PRPF38B: variants seen among roughly 807,000 people sequenced by gnomAD.
PRPF38B encodes the protein pre-mRNA-splicing factor 38B.
In PRPF38B, 18 loss-of-function variants were observed where a neutral mutation model predicts 67.2. The ratio of observed to expected loss-of-function variants is 0.27; its 90% CI spans 0.19 to 0.40. PRPF38B has a LOEUF of 0.40. PRPF38B is among the 10% of genes least tolerant of loss of function. The pLI, the probability that PRPF38B is intolerant of heterozygous loss-of-function variation, is 1.00. For missense variants in PRPF38B, 544 were observed against 684.9 expected, an observed-to-expected ratio of 0.79 and a Z score of 2.30; for synonymous variants, 246 against 234.2, an observed-to-expected ratio of 1.05 and a Z score of -0.46.
chr1:108,692,992 T>C (rs1449709527), intron 1 of PRPF38B, 125 bp downstream of exon 1: 1 of 1,245,902 alleles, frequency 8.0e-7, no homozygotes, highest in African/African-American at 1.5e-5. Context: ...GGCGGAGGGG[T>C]GGCTGCGGCC....
At chr1:108,695,996 G>C (rs1479096360) in intron 2 of PRPF38B, 47 bp from the exon 3 acceptor site, 2 of 1,576,640 alleles carry the variant, frequency 1.3e-6, no homozygotes, top group Non-Finnish European at 1.7e-6. Context: ...GGTGTTAAGA[G>C]TCCGTTAATT....
In PRPF38B at chr1:108,700,149, C is replaced by CT; in HGVS notation, c.*132dup. The CT allele has an allele frequency of 7.2e-7, 1 of 1,397,320 alleles. No homozygotes were observed. The highest frequency in any genetic ancestry group is 9.4e-7 in the Non-Finnish European group (1 of 1,064,976). The allele number at this position is 1,397,320 out of a possible 1,614,324, so 86.6% of individuals were successfully genotyped here. A position where few individuals can be genotyped will look rare whatever the true frequency, so the allele number is the denominator to read the frequency against. On this transcript the variant is annotated 3_prime_UTR_variant, in exon 6 of 6. Coordinates refer to ENST00000370025, the MANE Select transcript of PRPF38B (RefSeq NM_018061.4). ...CCTGTAGGCTGCATTTTCATTTCCT[C>CT]TTTCGTGTAGGGAAGTGCCTTTGTA...
chr1:108,699,062 T>G, intron 5 of PRPF38B, 100 bp from the exon 6 acceptor site: 2 of 1,515,078 alleles, frequency 1.3e-6, no homozygotes, highest in South Asian at 1.4e-5. Context: ...GGCCTTAAGC[T>G]TGAGGACATG....
In PRPF38B at chr1:108,701,091, CTA is replaced by C. The variant is rs1341535050; in HGVS notation, c.*1073_*1074del. Reference sequence around the variant, plus strand: ...TAATGCTGTGCTGCATTATTTAAGACTATCAGCAAATTATTTGATAGATTGTT... The same window carrying C: ...TAATGCTGTGCTGCATTATTTAAGACTCAGCAAATTATTTGATAGATTGTT... On this transcript the variant is annotated 3_prime_UTR_variant, in exon 6 of 6. Transcript: ENST00000370025. 3.9e-5 allele frequency: 6 copies of C among 152,686 alleles called. No individual in the cohort carries two copies. The highest frequency in any genetic ancestry group is 1.9e-4 in the East Asian group (1 of 5,188). The allele number at this position is 152,686 out of a possible 1,614,324, so 9.5% of individuals were successfully genotyped here.
intron 4 of PRPF38B, chr1:108,697,538 C>CTTTTTTTTTTTT (rs34770110): frequency 4.8e-5 from 7 of 146,068 alleles, no homozygotes; most frequent in African/African-American, 1.8e-4. Context: ...TTATTTTTCT[C>CTTTTTTTTTTTT]TTTTTTTTTT....
In PRPF38B at chr1:108,702,415, C is replaced by T. The variant is rs752799215; in HGVS notation, c.*2395C>T. The stretch of plus-strand genomic sequence containing the variant: ...CTGTGATTACAGGTGTGAGCCACCA[C>T]TCCAGTCCCTTCTTACGATTTTTAA... On this transcript the variant is annotated 3_prime_UTR_variant, in exon 6 of 6. Coordinates refer to ENST00000370025, the MANE Select transcript of PRPF38B (RefSeq NM_018061.4). 7.2e-5 allele frequency among the ~76,000 whole-genome samples: 11 copies of T among 152,220 alleles called. No individual in the cohort carries two copies. Among genetic ancestry groups the T allele is most frequent in the Non-Finnish European group, 1.3e-4 (9 of 68,040 alleles).
intron 1 of PRPF38B, among the ~76,000 whole-genome samples, chr1:108,695,218 A>T (rs771119262): frequency 1.3e-5 from 2 of 152,224 alleles, no homozygotes; most frequent in Non-Finnish European, 2.9e-5. Flanking sequence ...TTAAATTACA[A>T]TAAAATTGAA....
rs770284627 is a variant in PRPF38B, at chr1:108,699,323, G to C, written c.944G>C (p.Arg315Pro). The C allele has an allele frequency of 6.2e-7, 1 of 1,614,120 alleles. No homozygotes were observed. ...EREAKEREKE[R>P]RRSRSIDRGL... ...GAAGCCAAAGAAAGGGAGAAAGAAC[G>C]GCGAAGATCCCGAAGTATTGACCGG... Residue 315 changes from arginine (R) to proline (P), a missense_variant, in exon 6 of 6, where the codon CGG (arginine) becomes CCG (proline). By Grantham distance (103) the Arg-to-Pro change is moderately radical (BLOSUM62 -2). Transcript: ENST00000370025.
rs1310327402 is a variant in PRPF38B at position 108,700,152 on chromosome 1, T to C, written c.*132T>C. The C allele has an allele frequency of 3.6e-6, 5 of 1,386,768 alleles. No homozygotes were observed. Among genetic ancestry groups the C allele is most frequent in the South Asian group, 1.7e-5 (1 of 58,970 alleles). The allele number at this position is 1,386,768 out of a possible 1,614,324, so 85.9% of individuals were successfully genotyped here. A position where few individuals can be genotyped will look rare whatever the true frequency, so the allele number is the denominator to read the frequency against. Reference sequence around the variant, plus strand: ...GTAGGCTGCATTTTCATTTCCTCTTTCGTGTAGGGAAGTGCCTTTGTAATT... The same window carrying C: ...GTAGGCTGCATTTTCATTTCCTCTTCCGTGTAGGGAAGTGCCTTTGTAATT... On this transcript the variant is annotated 3_prime_UTR_variant, in exon 6 of 6. Coordinates refer to ENST00000370025, the MANE Select transcript of PRPF38B (RefSeq NM_018061.4).
Position 108,699,589 on chromosome 1 carries a change from AAAG to A in PRPF38B, c.1215_1217del (p.Glu405del). 1 of 1,553,006 alleles carries A rather than the reference AAAG, an allele frequency of 6.4e-7. No homozygotes were observed. The highest frequency in any genetic ancestry group is 1.4e-5 in the African/African-American group (1 of 73,182). On this transcript the variant is annotated inframe_deletion, in exon 6 of 6. Coordinates refer to ENST00000370025, the MANE Select transcript of PRPF38B (RefSeq NM_018061.4). ...GGGAGAGGTAGAAGAGAAGAAACAT[AAAG>A]AAGACAAAGATGATAGGCGGCACAG...
Position 108,702,521 on chromosome 1 carries a change from T to A in PRPF38B, c.*2501T>A, listed in dbSNP as rs1470034144. 6.6e-6 allele frequency among the ~76,000 whole-genome samples: 1 copy of A among 152,196 alleles called. No homozygotes were observed. Among genetic ancestry groups the A allele is most frequent in the South Asian group, 2.1e-4 (1 of 4,832 alleles). ...AGTTATTGCTATATATATGCATGAT[T>A]TATTTGGAGAGTGGCTTCCTAAGAA... is the stretch of plus-strand genomic sequence containing the variant. On this transcript the variant is annotated 3_prime_UTR_variant, in exon 6 of 6. Transcript: ENST00000370025.
chr1:108,699,993 G>A lies in PRPF38B; in HGVS notation c.1614G>A (p.Gln538=), dbSNP rs1222695077. The part of the protein sequence containing the change: ...QSIEQESQEK[Q]HKNKDETV ...TAGAACAAGAGAGCCAAGAAAAACA[G>A]CATAAAAACAAAGATGAGACTGTGT... Residue 538 remains glutamine (Q), a synonymous_variant, in exon 6 of 6, where the codon CAG becomes CAA. Coordinates refer to ENST00000370025, the MANE Select transcript of PRPF38B (RefSeq NM_018061.4). 6 of 1,590,498 alleles carry A rather than the reference G, an allele frequency of 3.8e-6. No homozygotes were observed. The highest frequency in any genetic ancestry group is 4.3e-6 in the Non-Finnish European group (5 of 1,172,882).
chr1:108,700,319 T>A lies in PRPF38B; in HGVS notation c.*299T>A, dbSNP rs1660347737. ...AATGTTTTAATTCCTTTGGCATGGT[T>A]GCCATGTTGGTTAAATTTGTATAAG... is the stretch of plus-strand genomic sequence containing the variant. On this transcript the variant is annotated 3_prime_UTR_variant, in exon 6 of 6. Coordinates refer to ENST00000370025, the MANE Select transcript of PRPF38B (RefSeq NM_018061.4). 3.7e-6 allele frequency: 1 copy of A among 272,004 alleles called. No homozygotes were observed. Among genetic ancestry groups the A allele is most frequent in the South Asian group, 1.1e-4 (1 of 8,946 alleles). The allele number at this position is 272,004 out of a possible 1,614,324, so 16.8% of individuals were successfully genotyped here.
rs767568329 is a variant in PRPF38B, at chr1:108,698,681, G to A, written c.636G>A (p.Glu212=). Residue 212 remains glutamate, a synonymous_variant, in exon 5 of 6, where the codon GAG becomes GAA. Coordinates refer to ENST00000370025, the MANE Select transcript of PRPF38B (RefSeq NM_018061.4). ...EMLRSFLTKL[E]WFSTLFPRIP... ...TACGATCTTTTCTCACAAAACTGGA[G>A]TGGTTTTCTACCTTGTTTCCAAGAA... 23 of 1,613,966 alleles carry A rather than the reference G, an allele frequency of 1.4e-5. No homozygotes were observed. In the African/African-American group the frequency reaches 3.1e-4, roughly 22 times the overall value.
rs1294641940 is a variant in PRPF38B at position 108,702,723 on chromosome 1, A to ACC, written c.*2704_*2705insCC. ...GATGGGTGCAGCTCACCACCAAGGT[A>ACC]CATGTATATCTAGGTAACAAACCGG... is the stretch of plus-strand genomic sequence containing the variant. On this transcript the variant is annotated 3_prime_UTR_variant, in exon 6 of 6. Transcript: ENST00000370025. 6.6e-6 allele frequency among the ~76,000 whole-genome samples: 1 copy of ACC among 152,142 alleles called. No individual in the cohort carries two copies. Among genetic ancestry groups the ACC allele is most frequent in the African/African-American group, 2.4e-5 (1 of 41,416 alleles).
In PRPF38B at chr1:108,699,328, A is replaced by G; in HGVS notation, c.949A>G (p.Arg317Gly). 6.2e-7 allele frequency: 1 copy of G among 1,614,196 alleles called. No homozygotes were observed. The highest frequency in any genetic ancestry group is 8.5e-7 in the Non-Finnish European group (1 of 1,180,034). The part of the protein sequence containing the change: ...EAKEREKERR[R>G]SRSIDRGLER... ...CAAAGAAAGGGAGAAAGAACGGCGA[A>G]GATCCCGAAGTATTGACCGGGGGTT... The change falls in exon 6 of 6, where the codon AGA (arginine) becomes GGA (glycine). Residue 317 changes from arginine (R) to glycine (G), a missense_variant. Physicochemically the swap from Arg to Gly is moderately radical, Grantham distance 125. Around this residue, in one of 5 missense-constraint regions of PRPF38B, gnomAD observed 387 missense variants for 386.1 expected, o/e 1.00. Coordinates refer to ENST00000370025, the MANE Select transcript of PRPF38B (RefSeq NM_018061.4).
intron 1 of PRPF38B, among the ~76,000 whole-genome samples, chr1:108,693,202 T>G (rs1659506314): frequency 6.6e-6 from 1 of 152,144 alleles, no homozygotes; most frequent in Admixed American, 6.5e-5. Context: ...TTAAAATTAT[T>G]CCTTTTGACG....
intron 4 of PRPF38B, chr1:108,697,775 C>T (rs1459231859): frequency 6.6e-6 from 1 of 152,114 alleles, no homozygotes; most frequent in East Asian, 1.9e-4. Context: ...ATCTGAGGTC[C>T]TCTATTTAAG....
chr1:108,695,671 T>A (rs776971677), intron 1 of PRPF38B, 31 bp from the exon 2 acceptor site: 4 of 1,608,584 alleles, frequency 2.5e-6, no homozygotes, highest in South Asian at 2.2e-5. Flanking sequence ...AAAGTATGAA[T>A]GTTTGTTGTG....
Sources: gnomAD v4.1 joint callset for allele counts (sites outside exome capture counted in the v4.1 genomes callset) on GRCh38, gnomAD v4.1.1 for gene constraint, gnomAD v4.1.1 regional missense constraint, MANE v1.5 for transcripts, NCBI Gene and HGNC (gene_info 2026-07-23, HGNC 2026-07-21) for gene names.